Variants in JAKMIP1 observed in about 807,000 individuals in gnomAD.
The protein encoded by JAKMIP1 is janus kinase and microtubule interacting protein 1.
In JAKMIP1, 33 loss-of-function variants were observed where a neutral mutation model predicts 113.0. The ratio of observed to expected loss-of-function variants is 0.29; its 90% confidence interval spans 0.22 to 0.39. The LOEUF (loss-of-function observed/expected upper bound fraction) is 0.39. Among genes scored for constraint, JAKMIP1 ranks in the 10% least tolerant of loss-of-function variants. The pLI, the probability that JAKMIP1 is intolerant of heterozygous loss-of-function variation, is 1.00. For missense variants in JAKMIP1, 813 were observed against 1,080.5 expected (o/e 0.75, Z 3.47); for synonymous variants, 480 against 459.9 (o/e 1.04, Z -0.56).
intron 1 of JAKMIP1, among the ~76,000 whole-genome samples, chr4:6,195,755 G>C (rs13150977): frequency 6.6e-6 from 1 of 151,982 alleles, no homozygotes; most frequent in East Asian, 1.9e-4. Context: ...TCAGACCAGG[G>C]ACAGCACAGA....
At chr4:6,151,910 G>C (rs56144873) in intron 1 of JAKMIP1, among the ~76,000 whole-genome samples, 39,281 of 152,074 alleles carry the variant, frequency 0.26, 5,429 homozygotes, top group Non-Finnish European at 0.3. Context: ...CACAGTGCCA[G>C]GTACATGACA....
Position 6,139,085 on chromosome 4 carries a change from T to TACAC in JAKMIP1, c.-147-26089_-147-26088insGTGT, listed in dbSNP as rs1291386306. Among the ~76,000 whole-genome samples the TACAC allele has an allele frequency of 2.5e-4, 7 of 27,944 alleles. No homozygotes were observed. The highest frequency in any genetic ancestry group is 2.1e-3 in the East Asian group (1 of 476). The allele number at this position is 27,944 out of a possible 152,430, so 18.3% of individuals were successfully genotyped here. A position where few individuals can be genotyped will look rare whatever the true frequency, so the allele number is the denominator to read the frequency against. On this transcript the variant is annotated intron_variant, in intron 1 of 20. Coordinates refer to ENST00000409021, the MANE Select transcript of JAKMIP1 (RefSeq NM_001099433.2). This position sits in a 1 kb window ranked among gnomAD's most constrained non-coding sequence, Gnocchi z 5.2. ...ACACACACACACACACACACACACA[T>TACAC]ATACACACACACACACACACCAGCA...
chr4:6,100,009 T>C (rs1190913691), intron 3 of JAKMIP1, among the ~76,000 whole-genome samples: 1 of 152,208 alleles, frequency 6.6e-6, no homozygotes, highest in Non-Finnish European at 1.5e-5. Context: ...TGTGCTGTTC[T>C]TCCTCTTATA....
At chr4:6,174,064 A>G (rs1560324446) in intron 1 of JAKMIP1, among the ~76,000 whole-genome samples, 1 of 152,208 alleles carries the variant, frequency 6.6e-6, no homozygotes, top group South Asian at 2.1e-4. Flanking sequence ...ATATACATAC[A>G]TACGTACATA....
chr4:6,074,718 C>G (rs116283250), intron 8 of JAKMIP1, among the ~76,000 whole-genome samples: 62 of 152,280 alleles, frequency 4.1e-4, no homozygotes, highest in African/African-American at 1.4e-3. Context: ...CCCTGTAAAC[C>G]CAGTTATGTG....
chr4:6,160,387 G>A (rs943744887), intron 1 of JAKMIP1, among the ~76,000 whole-genome samples: 1 of 152,104 alleles, frequency 6.6e-6, no homozygotes, highest in African/African-American at 2.4e-5. Flanking sequence ...AAATTAAAAG[G>A]AGCTAGCAAT....
In JAKMIP1 at chr4:6,139,565, A is replaced by G. The variant is rs1719799118; in HGVS notation, c.-147-26568T>C. ...GGCGGATCACAAAGTCAGGAGTTCG[A>G]GACCAACCTGGCCAACATAGTGAAA... On this transcript the variant is annotated intron_variant, in intron 1 of 20. Transcript: ENST00000409021. This position sits in a 1 kb window ranked among gnomAD's most constrained non-coding sequence, Gnocchi z 5.2. Among the ~76,000 whole-genome samples, 1 of 152,052 alleles carries G rather than the reference A, an allele frequency of 6.6e-6. No individual in the cohort carries two copies. The highest frequency in any genetic ancestry group is 2.1e-4 in the South Asian group (1 of 4,820).
At chr4:6,177,764 T>C (rs910175238) in intron 1 of JAKMIP1, among the ~76,000 whole-genome samples, 1 of 152,114 alleles carries the variant, frequency 6.6e-6, no homozygotes, top group Non-Finnish European at 1.5e-5. Context: ...CCACCCCCAA[T>C]GCCACTACCC....
In JAKMIP1 at chr4:6,193,725, A is replaced by T. The variant is rs1275835819; in HGVS notation, c.-148+6528T>A. ...GTTTCAAGGACAAGTCAAGGCTGGG[A>T]GCCCCCAGCACGATGCTGATCATGG... is the stretch of plus-strand genomic sequence containing the variant. On this transcript the variant is annotated intron_variant, in intron 1 of 20. Coordinates refer to ENST00000409021, the MANE Select transcript of JAKMIP1 (RefSeq NM_001099433.2). The surrounding 1 kb of genome is among the most constrained non-coding windows in gnomAD (Gnocchi z 6.4). Among the ~76,000 whole-genome samples the T allele has an allele frequency of 6.6e-6, 1 of 152,126 alleles. No individual in the cohort carries two copies. Among genetic ancestry groups the T allele is most frequent in the Non-Finnish European group, 1.5e-5 (1 of 68,042 alleles).
In JAKMIP1 at chr4:6,125,719, A is replaced by AAC. The variant is rs111278843; in HGVS notation, c.-147-12724_-147-12723dup. Among the ~76,000 whole-genome samples, 40 of 134,634 alleles carry AAC rather than the reference A, an allele frequency of 3.0e-4. 1 individual carries two copies. Among genetic ancestry groups the AAC allele is most frequent in the African/African-American group, 1.1e-3 (40 of 36,406 alleles). The allele number at this position is 134,634 out of a possible 152,430, so 88.3% of individuals were successfully genotyped here. A position where few individuals can be genotyped will look rare whatever the true frequency, so the allele number is the denominator to read the frequency against. On this transcript the variant is annotated intron_variant, in intron 1 of 20. Coordinates refer to ENST00000409021, the MANE Select transcript of JAKMIP1 (RefSeq NM_001099433.2). Reference sequence around the variant, plus strand: ...ACGCACACCATACACACCATACAGAAACACACACACACACCATACCCACCA... The same window carrying AAC: ...ACGCACACCATACACACCATACAGAAACACACACACACACACCATACCCACCA...
intron 1 of JAKMIP1, among the ~76,000 whole-genome samples, chr4:6,164,325 AT>A (rs1467924713): frequency 6.6e-6 from 1 of 152,198 alleles, no homozygotes. Flanking sequence ...ATGACAGCAC[AT>A]CTGTCTGTAG....
chr4:6,028,293 T>C (rs1244739561), intron 20 of JAKMIP1, among the ~76,000 whole-genome samples: 2 of 152,186 alleles, frequency 1.3e-5, no homozygotes, highest in Non-Finnish European at 2.9e-5. Flanking sequence ...AGACGGGGAC[T>C]CTAGGAATCA....
intron 20 of JAKMIP1, 108 bp from the exon 21 acceptor site, chr4:6,026,386 G>C (rs1208799894): frequency 3.0e-6 from 2 of 660,206 alleles, no homozygotes; most frequent in Non-Finnish European, 5.4e-6. Flanking sequence ...CAAGAACTAG[G>C]ACACTGAGTT....
In JAKMIP1 at chr4:6,051,245, G is replaced by A. The variant is rs1165019780; in HGVS notation, c.1807-566C>T. Among the ~76,000 whole-genome samples, 1 of 149,772 alleles carries A rather than the reference G, an allele frequency of 6.7e-6. No homozygotes were observed. The highest frequency in any genetic ancestry group is 2.5e-5 in the African/African-American group (1 of 40,668). On this transcript the variant is annotated intron_variant, in intron 13 of 20. Coordinates refer to ENST00000409021, the MANE Select transcript of JAKMIP1 (RefSeq NM_001099433.2). This position sits in a 1 kb window ranked among gnomAD's most constrained non-coding sequence, Gnocchi z 5.0. Reference sequence around the variant, plus strand: ...TTCCTTTTTTTTTTTTTTTTGAGAGGGTGTTCTGTTCTTGTCGCCCAGGCT... The same window carrying A: ...TTCCTTTTTTTTTTTTTTTTGAGAGAGTGTTCTGTTCTTGTCGCCCAGGCT...
At chr4:6,125,996 C>T in intron 1 of JAKMIP1, among the ~76,000 whole-genome samples, 1 of 143,686 alleles carries the variant, frequency 7.0e-6, no homozygotes, top group Admixed American at 7.1e-5. Flanking sequence ...CACACACACA[C>T]CATACAGAAA....
rs886079648 is a variant in JAKMIP1, at chr4:6,069,818, T to C, written c.1303-4810A>G. 2.0e-5 allele frequency among the ~76,000 whole-genome samples: 3 copies of C among 151,996 alleles called. No homozygotes were observed. Among genetic ancestry groups the C allele is most frequent in the Admixed American group, 6.5e-5 (1 of 15,278 alleles). On this transcript the variant is annotated intron_variant, in intron 8 of 20. Coordinates refer to ENST00000409021, the MANE Select transcript of JAKMIP1 (RefSeq NM_001099433.2). This position sits in a 1 kb window ranked among gnomAD's most constrained non-coding sequence, Gnocchi z 4.5. Reference sequence around the variant, plus strand: ...GAAGAGTAAACATGTCTCCTCCATTTACACTTTGCATATACAGAGGTGCTC... The same window carrying C: ...GAAGAGTAAACATGTCTCCTCCATTCACACTTTGCATATACAGAGGTGCTC...
intron 1 of JAKMIP1, among the ~76,000 whole-genome samples, chr4:6,163,231 G>A (rs1385512810): frequency 6.6e-6 from 1 of 152,220 alleles, no homozygotes; most frequent in Non-Finnish European, 1.5e-5. Flanking sequence ...TTGAAGGGTT[G>A]TGGCAACCCT....
At chr4:6,115,059 C>G (rs982459656) in intron 1 of JAKMIP1, among the ~76,000 whole-genome samples, 1 of 152,110 alleles carries the variant, frequency 6.6e-6, no homozygotes, top group Non-Finnish European at 1.5e-5. Flanking sequence ...GTCTAAGCCC[C>G]GACAGAAAAG....
chr4:6,149,491 AG>A (rs1395033763), intron 1 of JAKMIP1, among the ~76,000 whole-genome samples: 1 of 152,180 alleles, frequency 6.6e-6, no homozygotes, highest in Non-Finnish European at 1.5e-5. Context: ...GAGACCAGCG[AG>A]TAAGAAATAC....
Sources: gnomAD v4.1 joint callset for allele counts (sites outside exome capture counted in the v4.1 genomes callset) on GRCh38, gnomAD v4.1.1 for gene constraint, Gnocchi (gnomAD v3.1) non-coding constraint, MANE v1.5 for transcripts, NCBI Gene and HGNC (gene_info 2026-07-23, HGNC 2026-07-21) for gene names.